Variants in PCDHGA12 observed in about 807,000 individuals in gnomAD.
The protein encoded by PCDHGA12 is protocadherin gamma-A12.
A neutral mutation model predicts 61.1 loss-of-function variants in PCDHGA12; 43 were observed. That is an observed-to-expected ratio of 0.70 (90% CI 0.55 to 0.91). PCDHGA12 has a LOEUF of 0.91. Ranked by LOEUF, PCDHGA12 falls within the 40% of genes least tolerant of loss-of-function variation. The probability of loss-of-function intolerance (pLI) is 0.00; values close to 1 mark genes in which losing one functional copy is unlikely to be tolerated. For missense variants in PCDHGA12, 1,236 were observed against 1,227.7 expected (o/e 1.01, Z -0.10); for synonymous variants, 520 against 542.9 (o/e 0.96, Z 0.59).
chr5:141,510,814 CT>C, intron 3 of PCDHGA12, 132 bp from the exon 4 acceptor site: 1 of 1,544,688 alleles, frequency 6.5e-7, no homozygotes, highest in Non-Finnish European at 8.8e-7. Context: ...TTGGTGACCC[CT>C]ATATTCCCAG....
intron 1 of PCDHGA12, among the ~76,000 whole-genome samples, chr5:141,466,757 T>G (rs1486124876): frequency 6.6e-6 from 1 of 152,224 alleles, no homozygotes; most frequent in Non-Finnish European, 1.5e-5. Context: ...AGGGGCTCTT[T>G]TCAAACTGTT....
intron 1 of PCDHGA12, among the ~76,000 whole-genome samples, chr5:141,481,655 T>A (rs933683728): frequency 1.3e-5 from 2 of 152,054 alleles, no homozygotes; most frequent in African/African-American, 4.8e-5. Flanking sequence ...TCATCTCTAC[T>A]AATAATACAA....
Position 141,477,304 on chromosome 5 carries a change from T to C in PCDHGA12, c.2425-17503T>C. The C allele has an allele frequency of 6.2e-7, 1 of 1,614,160 alleles. No individual in the cohort carries two copies. Among genetic ancestry groups the C allele is most frequent in the Non-Finnish European group, 8.5e-7 (1 of 1,180,030 alleles). ...CCTGCGAAGTTCCACCGGGTCTCCCTTTCAGCCTTACTTCTTCCCTCAAGA... is the reference window on the plus strand; with the variant it reads ...CCTGCGAAGTTCCACCGGGTCTCCCCTTCAGCCTTACTTCTTCCCTCAAGA... On this transcript the variant is annotated intron_variant, in intron 1 of 3. Transcript: ENST00000252085. This position sits in a 1 kb window ranked among gnomAD's most constrained non-coding sequence, Gnocchi z 4.9.
At position 141,486,811 on chromosome 5, in the gene PCDHGA12, C is replaced by A. The variant is rs2099635196; in HGVS notation, c.2425-7996C>A. On this transcript the variant is annotated intron_variant, in intron 1 of 3. Coordinates refer to ENST00000252085, the MANE Select transcript of PCDHGA12 (RefSeq NM_003735.3). The surrounding 1 kb of genome is among the most constrained non-coding windows in gnomAD (Gnocchi z 5.0). ...GGGATCGGGGCAACCCACCCCTTAG[C>A]AGCACTGTAACAGTTCGTCTATTTG... The A allele has an allele frequency of 1.2e-6, 2 of 1,614,124 alleles. No homozygotes were observed. The highest frequency in any genetic ancestry group is 2.2e-5 in the East Asian group (1 of 44,900).
intron 1 of PCDHGA12, among the ~76,000 whole-genome samples, chr5:141,450,233 G>A (rs2098674391): frequency 6.6e-6 from 1 of 152,026 alleles, no homozygotes; most frequent in Non-Finnish European, 1.5e-5. Flanking sequence ...GGCCAGGCTA[G>A]TCTTGAACTC....
chr5:141,478,394 G>A, intron 1 of PCDHGA12: 1 of 1,613,586 alleles, frequency 6.2e-7, no homozygotes, highest in Non-Finnish European at 8.5e-7. Context: ...TTACCATCAG[G>A]TGTATCTCAC....
At chr5:141,492,121 C>G (rs1205499685) in intron 1 of PCDHGA12, among the ~76,000 whole-genome samples, 1 of 152,232 alleles carries the variant, frequency 6.6e-6, no homozygotes, top group Non-Finnish European at 1.5e-5. Context: ...CGATTTCTCC[C>G]CAGCTCCCAG....
At chr5:141,475,832 T>G in intron 1 of PCDHGA12, 1 of 410,610 alleles carries the variant, frequency 2.4e-6, no homozygotes, top group Non-Finnish European at 4.4e-6. Flanking sequence ...CTAGCGCGTG[T>G]CCTGCTCAGA....
chr5:141,461,423 C>T lies in PCDHGA12; in HGVS notation c.2424+28240C>T, dbSNP rs1005977255. 3.9e-5 allele frequency among the ~76,000 whole-genome samples: 6 copies of T among 151,938 alleles called. No individual in the cohort carries two copies. In the South Asian group the frequency reaches 6.2e-4, roughly 16 times the overall value. On this transcript the variant is annotated intron_variant, in intron 1 of 3. Coordinates refer to ENST00000252085, the MANE Select transcript of PCDHGA12 (RefSeq NM_003735.3). ...AGCATTTTTTCATATGTTTGTGGGC[C>T]ATTTGTATACCTTCTTTTGAGAAAT... is the stretch of plus-strand genomic sequence containing the variant.
intron 1 of PCDHGA12, among the ~76,000 whole-genome samples, chr5:141,438,674 A>C (rs894070572): frequency 1.9e-4 from 25 of 134,850 alleles, no homozygotes; most frequent in Non-Finnish European, 3.1e-4. Context: ...ATATATTTGG[A>C]GTAGGGGATG....
At chr5:141,436,676 G>T (rs1019010328) in intron 1 of PCDHGA12, among the ~76,000 whole-genome samples, 1 of 152,238 alleles carries the variant, frequency 6.6e-6, no homozygotes, top group African/African-American at 2.4e-5. Flanking sequence ...ACCAAAAAAA[G>T]GATTTATATT....
At chr5:141,462,043 G>C (rs1310987622) in intron 1 of PCDHGA12, among the ~76,000 whole-genome samples, 1 of 152,100 alleles carries the variant, frequency 6.6e-6, no homozygotes, top group Non-Finnish European at 1.5e-5. Flanking sequence ...GGCGGGTCTT[G>C]AACTCCCGAC....
intron 1 of PCDHGA12, chr5:141,475,966 A>T (rs1252698069): frequency 2.3e-6 from 2 of 888,664 alleles, no homozygotes; most frequent in Admixed American, 5.2e-5. Flanking sequence ...GGGATGAGGC[A>T]GAGACTGAAC....
chr5:141,440,990 C>T (rs1195325115), intron 1 of PCDHGA12: 2 of 152,172 alleles, frequency 1.3e-5, no homozygotes, highest in African/African-American at 4.8e-5. Flanking sequence ...CCAGAGTACC[C>T]ATATCTAGTT....
intron 1 of PCDHGA12, among the ~76,000 whole-genome samples, chr5:141,448,948 A>C (rs918513864): frequency 6.6e-6 from 1 of 152,170 alleles, no homozygotes; most frequent in African/African-American, 2.4e-5. Flanking sequence ...GCAACTCAAA[A>C]AAACAAACAA....
chr5:141,456,872 A>C (rs1003618586), intron 1 of PCDHGA12, among the ~76,000 whole-genome samples: 2 of 152,152 alleles, frequency 1.3e-5, no homozygotes, highest in African/African-American at 4.8e-5. Context: ...CTGAGGCAGG[A>C]GAATCGCTTG....
chr5:141,453,364 G>A (rs921978865), intron 1 of PCDHGA12, among the ~76,000 whole-genome samples: 4 of 151,814 alleles, frequency 2.6e-5, no homozygotes, highest in African/African-American at 9.7e-5. Flanking sequence ...GAACTCCTGG[G>A]GTCAAGTGAT....
chr5:141,451,358 T>C (rs537863729), intron 1 of PCDHGA12, among the ~76,000 whole-genome samples: 1 of 152,326 alleles, frequency 6.6e-6, no homozygotes, highest in African/African-American at 2.4e-5. Flanking sequence ...CAACAGAGGA[T>C]GGATCCGCTT....
intron 3 of PCDHGA12, among the ~76,000 whole-genome samples, chr5:141,506,444 C>T (rs542906499): frequency 2.1e-5 from 2 of 95,022 alleles, no homozygotes; most frequent in South Asian, 3.6e-4. Flanking sequence ...CGCTCTGTCT[C>T]AAAAAAAAAA....
Sources: gnomAD v4.1 joint callset for allele counts (sites outside exome capture counted in the v4.1 genomes callset) on GRCh38, gnomAD v4.1.1 for gene constraint, Gnocchi (gnomAD v3.1) non-coding constraint, MANE v1.5 for transcripts, NCBI Gene and HGNC (gene_info 2026-07-23, HGNC 2026-07-21) for gene names.